The following HERC4 variants were observed in gnomAD, a reference collection of about 807,000 sequenced individuals.
HERC4 encodes probable E3 ubiquitin-protein ligase HERC4.
A neutral mutation model predicts 124.3 loss-of-function variants in HERC4; 28 were observed. The observed-to-expected ratio is 0.23, with a 90% CI of 0.17 to 0.31. The LOEUF (loss-of-function observed/expected upper bound fraction) is 0.31, where lower values mean the gene tolerates loss of function less well. HERC4 is among the 10% of genes least tolerant of loss of function. The pLI, the probability that HERC4 is intolerant of heterozygous loss-of-function variation, is 1.00. For missense variants in HERC4, 713 were observed against 1,229.3 expected (o/e 0.58, Z 6.28); for synonymous variants, 407 against 421.5 (o/e 0.97, Z 0.42).
intron 15 of HERC4, among the ~76,000 whole-genome samples, chr10:67,974,449 T>C (rs1205757078): frequency 2.0e-5 from 3 of 152,224 alleles, no homozygotes; most frequent in Non-Finnish European, 4.4e-5. Context: ...TAATCACATA[T>C]ACACTAAAAC....
At chr10:68,008,485 G>A (rs1193927161) in intron 9 of HERC4, among the ~76,000 whole-genome samples, 2 of 152,114 alleles carry the variant, frequency 1.3e-5, no homozygotes, top group East Asian at 1.9e-4. Flanking sequence ...TGAAGGCTAG[G>A]GTTTTTCAAG....
intron 8 of HERC4, among the ~76,000 whole-genome samples, chr10:68,024,574 A>G (rs1181774864): frequency 1.3e-5 from 2 of 152,198 alleles, no homozygotes; most frequent in Non-Finnish European, 2.9e-5. Flanking sequence ...CTAATGATGG[A>G]GAACCATAAC....
chr10:68,013,967 G>A, intron 9 of HERC4, 59 bp downstream of exon 9: 4 of 1,361,004 alleles, frequency 2.9e-6, no homozygotes, highest in Non-Finnish European at 3.0e-6. Flanking sequence ...TGATTTAAGA[G>A]CAACATTTTA....
intron 19 of HERC4, 161 bp downstream of exon 19, chr10:67,954,434 A>G: frequency 2.1e-6 from 1 of 473,342 alleles, no homozygotes; most frequent in Non-Finnish European, 3.5e-6. Context: ...TATTTTGACA[A>G]CTCCAAGTCC....
At chr10:67,933,362 ATTCTC>A (rs59039257) in intron 22 of HERC4, among the ~76,000 whole-genome samples, 2,899 of 152,218 alleles carry the variant, frequency 0.019, 88 homozygotes, top group African/African-American at 0.066. Context: ...ATCACTTCTG[ATTCTC>A]TTCTATCTCT....
intron 8 of HERC4, among the ~76,000 whole-genome samples, chr10:68,015,213 G>A (rs146597024): frequency 1.3e-4 from 20 of 152,190 alleles, no homozygotes; most frequent in African/African-American, 2.6e-4. Context: ...CTCTACCATC[G>A]TAAGAATAAA....
intron 16 of HERC4, among the ~76,000 whole-genome samples, chr10:67,963,634 C>T (rs901670778): frequency 6.6e-6 from 1 of 152,150 alleles, no homozygotes; most frequent in Non-Finnish European, 1.5e-5. Flanking sequence ...GAACACTGGG[C>T]TTCTTAAGAA....
At chr10:67,986,472 C>T (rs375109214) in intron 15 of HERC4, among the ~76,000 whole-genome samples, 21 of 152,304 alleles carry the variant, frequency 1.4e-4, no homozygotes, top group African/African-American at 4.8e-4. Flanking sequence ...CTTGCCTTAG[C>T]CTCCTGGGTA....
At chr10:67,965,756 C>A (rs993318508) in intron 16 of HERC4, 1 of 152,208 alleles carries the variant, frequency 6.6e-6, no homozygotes, top group Non-Finnish European at 1.5e-5. Flanking sequence ...TGAAAAGTTA[C>A]TCACCCTTCT....
At chr10:68,057,600 G>A (rs1339589505) in intron 3 of HERC4, among the ~76,000 whole-genome samples, 1 of 150,942 alleles carries the variant, frequency 6.6e-6, no homozygotes, top group Non-Finnish European at 1.5e-5. Flanking sequence ...CTCCAGCCTG[G>A]GTGACAGGGT....
intron 3 of HERC4, among the ~76,000 whole-genome samples, chr10:68,065,843 T>C (rs552168489): frequency 6.6e-6 from 1 of 152,022 alleles, no homozygotes; most frequent in Non-Finnish European, 1.5e-5. Context: ...GACAACAAGA[T>C]CCTGTCTAAA....
rs1339203936 is a variant in HERC4 at position 68,059,793 on chromosome 10, CATA to C, written c.226+13087_226+13089del. Among the ~76,000 whole-genome samples, 18 of 63,438 alleles carry C rather than the reference CATA, an allele frequency of 2.8e-4. 1 individual carries two copies. Among genetic ancestry groups the C allele is most frequent in the South Asian group, 4.0e-4 (1 of 2,470 alleles). The allele number at this position is 63,438 out of a possible 152,430, so 41.6% of individuals were successfully genotyped here. A position where few individuals can be genotyped will look rare whatever the true frequency, so the allele number is the denominator to read the frequency against. ...TATTATATATTATAATATTATATAT[CATA>C]ATATTATATATTATAATATTATATA... On this transcript the variant is annotated intron_variant, in intron 3 of 24. Coordinates refer to ENST00000373700, the MANE Select transcript of HERC4 (RefSeq NM_015601.4).
At chr10:67,980,315 T>C (rs944070376) in intron 15 of HERC4, among the ~76,000 whole-genome samples, 1 of 152,098 alleles carries the variant, frequency 6.6e-6, no homozygotes, top group African/African-American at 2.4e-5. Flanking sequence ...GTATTTTTAG[T>C]AGAGAAGGGG....
At chr10:68,054,432 C>A (rs2040456597) in intron 3 of HERC4, among the ~76,000 whole-genome samples, 2 of 151,278 alleles carry the variant, frequency 1.3e-5, no homozygotes, top group Admixed American at 6.6e-5. Context: ...CAGCTCACGG[C>A]AACCTCCACC....
intron 23 of HERC4, among the ~76,000 whole-genome samples, chr10:67,931,701 A>C (rs1589119795): frequency 1.3e-5 from 2 of 152,294 alleles, no homozygotes; most frequent in East Asian, 3.9e-4. Flanking sequence ...CTGGGATTAC[A>C]GGCATGAGCC....
rs1331822583 is a variant in HERC4 at position 68,059,873 on chromosome 10, AATAATATTATATATC to A, written c.226+12995_226+13009del. Among the ~76,000 whole-genome samples, 2 of 73,536 alleles carry A rather than the reference AATAATATTATATATC, an allele frequency of 2.7e-5. 1 individual carries two copies. Among genetic ancestry groups the A allele is most frequent in the African/African-American group, 2.7e-4 (2 of 7,370 alleles). 48.2% of individuals were successfully genotyped at this position (73,536 alleles called of 152,430 possible). The stretch of plus-strand genomic sequence containing the variant: ...TATATATCATAATATTATATATTAT[AATAATATTATATATC>A]ATAATATTATATATTATATAATATT... On this transcript the variant is annotated intron_variant, in intron 3 of 24. Coordinates refer to ENST00000373700, the MANE Select transcript of HERC4 (RefSeq NM_015601.4).
chr10:68,028,561 T>C (rs1457501860), intron 7 of HERC4, among the ~76,000 whole-genome samples: 1 of 152,208 alleles, frequency 6.6e-6, no homozygotes, highest in African/African-American at 2.4e-5. Flanking sequence ...TTCCTTTTAG[T>C]GGAGAATCTA....
chr10:67,987,456 G>C (rs2036325690), intron 15 of HERC4, among the ~76,000 whole-genome samples: 1 of 152,132 alleles, frequency 6.6e-6, no homozygotes. Context: ...CCAGAGAAAA[G>C]AAACAATCTA....
intron 9 of HERC4, among the ~76,000 whole-genome samples, chr10:68,009,879 C>CA (rs1262379715): frequency 6.6e-6 from 1 of 152,200 alleles, no homozygotes; most frequent in Non-Finnish European, 1.5e-5. Context: ...GGTTCCATCT[C>CA]AAGAAAACAC....
Sources: allele counts gnomAD v4.1 joint callset (sites outside exome capture counted in the v4.1 genomes callset), GRCh38; gene constraint gnomAD v4.1.1; transcripts MANE v1.5; gene names NCBI Gene and HGNC (gene_info 2026-07-23, HGNC 2026-07-21).